ADGRF5: variants seen among roughly 807,000 people sequenced by gnomAD.
The protein encoded by ADGRF5 is adhesion G protein-coupled receptor F5, also known as G-protein coupled receptor 116.
Under a neutral mutation model 132.3 loss-of-function variants are expected in ADGRF5, and 75 were observed. The ratio of observed to expected loss-of-function variants is 0.57; its 90% CI spans 0.47 to 0.69. The LOEUF (loss-of-function observed/expected upper bound fraction) is 0.69, where lower values mean the gene tolerates loss of function less well. Among genes scored for constraint, ADGRF5 ranks in the 30% least tolerant of loss-of-function variants. The pLI, the probability that ADGRF5 is intolerant of heterozygous loss-of-function variation, is 0.00. For missense variants in ADGRF5, 1,516 were observed against 1,630.6 expected (o/e 0.93, Z 1.21); for synonymous variants, 629 against 597.6 (o/e 1.05, Z -0.77).
At chr6:46,889,373 A>G (rs1414694331) in intron 3 of ADGRF5, among the ~76,000 whole-genome samples, 2 of 147,330 alleles carry the variant, frequency 1.4e-5, no homozygotes, top group East Asian at 2.0e-4. Context: ...TATACAGTCT[A>G]TGTATAGAGA....
At position 46,858,994 on chromosome 6, in the gene ADGRF5, C is replaced by T. The variant is rs1252085489; in HGVS notation, c.2909G>A (p.Ser970Asn). The T allele has an allele frequency of 6.2e-6, 10 of 1,614,072 alleles. No individual in the cohort carries two copies. Among genetic ancestry groups the T allele is most frequent in the Non-Finnish European group, 7.6e-6 (9 of 1,180,036 alleles). ...RLANNTGGWD[S>N]SGCYVEEGDG... ...ACCTTCTTCTACATAGCACCCACTG[C>T]TGTCCCACCCCCCTGTGTTGTTGGC... The change falls in exon 17 of 21, where the codon AGC becomes AAC. Residue 970 changes from serine (S) to asparagine (N), a missense_variant. Physicochemically the swap from Ser to Asn is conservative, Grantham distance 46 (BLOSUM62 1). Transcript: ENST00000283296.
chr6:46,887,325 G>A (rs147162154), intron 4 of ADGRF5, among the ~76,000 whole-genome samples: 2 of 152,296 alleles, frequency 1.3e-5, no homozygotes, highest in Admixed American at 6.5e-5. Context: ...ATAGAAGGGT[G>A]TTTCTTATGT....
At chr6:46,894,807 C>A (rs1449021179) in intron 3 of ADGRF5, among the ~76,000 whole-genome samples, 1 of 152,132 alleles carries the variant, frequency 6.6e-6, no homozygotes, top group Non-Finnish European at 1.5e-5. Context: ...CATATAGTTG[C>A]CAGTAAAATA....
chr6:46,954,729 C>A (rs1369879389), intron 1 of ADGRF5: 1 of 152,166 alleles, frequency 6.6e-6, no homozygotes, highest in Admixed American at 6.5e-5. Flanking sequence ...GATGCAGGTA[C>A]CTACCTTTCT....
chr6:46,901,363 TC>T (rs1774744888), intron 2 of ADGRF5, among the ~76,000 whole-genome samples: 1 of 152,074 alleles, frequency 6.6e-6, no homozygotes, highest in Non-Finnish European at 1.5e-5. Context: ...CTCTGAAGTC[TC>T]CCAGATAACC....
chr6:46,900,166 G>A, intron 2 of ADGRF5, 83 bp from the exon 3 acceptor site: 3 of 990,378 alleles, frequency 3.0e-6, no homozygotes, highest in African/African-American at 1.6e-5. Context: ...ACCCCTAAAT[G>A]TTGGAGCTGA....
chr6:46,902,798 G>A (rs1036564719), intron 2 of ADGRF5, among the ~76,000 whole-genome samples: 1 of 152,194 alleles, frequency 6.6e-6, no homozygotes, highest in African/African-American at 2.4e-5. Context: ...GGAGGGAAAA[G>A]CACATTGATG....
At chr6:46,867,197 G>C in intron 12 of ADGRF5, 60 bp from the exon 13 acceptor site, 1 of 1,005,586 alleles carries the variant, frequency 9.9e-7, no homozygotes, top group East Asian at 2.4e-5. Context: ...AAAAGCATCT[G>C]CTGGGAAGGT....
At chr6:46,894,997 T>C (rs1020716917) in intron 3 of ADGRF5, among the ~76,000 whole-genome samples, 1 of 152,132 alleles carries the variant, frequency 6.6e-6, no homozygotes, top group Admixed American at 6.6e-5. Context: ...GCCAACACAG[T>C]GAAACCTGTT....
chr6:46,906,697 T>C lies in ADGRF5; in HGVS notation c.66A>G (p.Ala22=). The C allele has an allele frequency of 6.2e-7, 1 of 1,600,132 alleles. No individual in the cohort carries two copies. Among genetic ancestry groups the C allele is most frequent in the Non-Finnish European group, 8.6e-7 (1 of 1,167,268 alleles). The change falls in exon 2 of 21, where the codon GCA becomes GCG. Residue 22 remains alanine, a synonymous_variant. Transcript: ENST00000283296. ...TAGTAGACTCGTAATTCCAGTTCAG[T>C]GCAGCTTTGGAAGAATAAATCACAA... The part of the protein sequence containing the change: ...MFIVIYSSKA[A]LNWNYESTIH...
At chr6:46,898,021 T>A (rs220704) in intron 3 of ADGRF5, among the ~76,000 whole-genome samples, 137,641 of 152,274 alleles carry the variant, frequency 0.9, 62,399 homozygotes, top group African/African-American at 0.97. Context: ...AACACAGAGG[T>A]CCATGTATAA....
chr6:46,938,032 G>C (rs1028171801), intron 1 of ADGRF5, among the ~76,000 whole-genome samples: 2 of 152,182 alleles, frequency 1.3e-5, no homozygotes, highest in African/African-American at 4.8e-5. Context: ...AAGTTGGGGG[G>C]TAGGGTCTAC....
chr6:46,859,375 G>C lies in ADGRF5; in HGVS notation c.2528C>G (p.Pro843Arg). 1 of 1,613,862 alleles carries C rather than the reference G, an allele frequency of 6.2e-7. No individual in the cohort carries two copies. The highest frequency in any genetic ancestry group is 8.5e-7 in the Non-Finnish European group (1 of 1,179,770). Residue 843 changes from proline (P) to arginine (R), a missense_variant, in exon 17 of 21, where the codon CCT (proline) becomes CGT (arginine). Coordinates refer to ENST00000283296, the MANE Select transcript of ADGRF5 (RefSeq NM_001098518.2). The part of the protein sequence containing the change: ...SQALQSGDSP[P>R]LSFSQTNVQM... ...CACATTAGTTTGGGAGAAGGACAAAGGAGGGCTATCTCCCGACTGTAATGC... is the reference window on the plus strand; with the variant it reads ...CACATTAGTTTGGGAGAAGGACAAACGAGGGCTATCTCCCGACTGTAATGC...
At chr6:46,864,289 A>T (rs1770124359) in intron 14 of ADGRF5, among the ~76,000 whole-genome samples, 2 of 152,190 alleles carry the variant, frequency 1.3e-5, no homozygotes, top group Admixed American at 1.3e-4. Context: ...TGTGATGGCA[A>T]ATTGACTCAG....
intron 17 of ADGRF5, among the ~76,000 whole-genome samples, chr6:46,857,822 T>C (rs1168887553): frequency 6.6e-6 from 1 of 152,186 alleles, no homozygotes; most frequent in Admixed American, 6.5e-5. Context: ...ATTTAGGAGA[T>C]AATAGACTAC....
At chr6:46,935,645 G>C (rs2150939130) in intron 1 of ADGRF5, among the ~76,000 whole-genome samples, 1 of 152,320 alleles carries the variant, frequency 6.6e-6, no homozygotes, top group African/African-American at 2.4e-5. Flanking sequence ...GCATTTCCCA[G>C]CTTCTCAAGG....
At chr6:46,868,495 G>A (rs557056347) in intron 12 of ADGRF5, among the ~76,000 whole-genome samples, 12 of 152,272 alleles carry the variant, frequency 7.9e-5, no homozygotes, top group African/African-American at 2.9e-4. Flanking sequence ...AAATTAAAAT[G>A]TGTTCCTTTT....
chr6:46,892,975 T>C (rs535316080), intron 3 of ADGRF5, among the ~76,000 whole-genome samples: 12 of 151,870 alleles, frequency 7.9e-5, no homozygotes, highest in African/African-American at 2.7e-4. Context: ...TCTTTGAGGA[T>C]CTTTCATCAT....
intron 1 of ADGRF5, chr6:46,907,724 T>C (rs1290455033): frequency 6.6e-6 from 1 of 152,158 alleles, no homozygotes; most frequent in African/African-American, 2.4e-5. Context: ...AAAAGAATGC[T>C]AGACTGAGAG....
Sources: allele counts gnomAD v4.1 joint callset (sites outside exome capture counted in the v4.1 genomes callset), GRCh38; gene constraint gnomAD v4.1.1; transcripts MANE v1.5; gene names NCBI Gene and HGNC (gene_info 2026-07-23, HGNC 2026-07-21).